Variants in ACTN4 observed in about 807,000 individuals in gnomAD.
ACTN4 encodes actinin alpha 4, also known as alpha-actinin-4.
Under a neutral mutation model 114.2 loss-of-function variants are expected in ACTN4, and 18 were observed. That is an observed-to-expected ratio of 0.16 (90% CI 0.11 to 0.23). The LOEUF (loss-of-function observed/expected upper bound fraction) is 0.23, where lower values mean the gene tolerates loss of function less well. Among genes scored for constraint, ACTN4 ranks in the 10% least tolerant of loss-of-function variants. The pLI, the probability that ACTN4 is intolerant of heterozygous loss-of-function variation, is 1.00. For missense variants in ACTN4, 722 were observed against 1,262.9 expected (o/e 0.57, Z 6.49); for synonymous variants, 515 against 506.3 (o/e 1.02, Z -0.23).
At chr19:38,698,850 T>C (rs1258889465) in intron 1 of ACTN4, among the ~76,000 whole-genome samples, 1 of 152,162 alleles carries the variant, frequency 6.6e-6, no homozygotes, top group African/African-American at 2.4e-5. Context: ...AGGCAGCTGC[T>C]TTGTCTGGGA....
Position 38,731,524 on chromosome 19 carries a change from T to C in ACTN4, c.*2092T>C. The C allele has an allele frequency of 2.2e-6, 1 of 452,716 alleles. No individual in the cohort carries two copies. Among genetic ancestry groups the C allele is most frequent in the Non-Finnish European group, 4.1e-6 (1 of 244,846 alleles). 28.0% of individuals were successfully genotyped at this position (452,716 alleles called of 1,614,324 possible). The stretch of plus-strand genomic sequence containing the variant: ...TTACTCCTTAAATCCTGTGGGGCTT[T>C]CTCCTTGCCAGTGGGCACTGGAGGA... On this transcript the variant is annotated 3_prime_UTR_variant, in exon 21 of 21. Coordinates refer to ENST00000252699, the MANE Select transcript of ACTN4 (RefSeq NM_004924.6).
chr19:38,665,536 CA>C (rs1408113055), intron 1 of ACTN4, among the ~76,000 whole-genome samples: 3 of 152,170 alleles, frequency 2.0e-5, no homozygotes, highest in Non-Finnish European at 4.4e-5. Context: ...AGTGGGAAAC[CA>C]AAACATACAC....
chr19:38,657,589 A>G (rs1036483584), intron 1 of ACTN4, among the ~76,000 whole-genome samples: 12 of 152,224 alleles, frequency 7.9e-5, no homozygotes, highest in South Asian at 2.1e-4. Context: ...AATTACAGCT[A>G]TACAGATTGA....
chr19:38,723,975 C>G lies in ACTN4; in HGVS notation c.1590C>G (p.His530Gln). The change falls in exon 14 of 21, where the codon CAC becomes CAG. Residue 530 changes from histidine (H) to glutamine (Q), a missense_variant. Physicochemically the swap from His to Gln is conservative, Grantham distance 24. Around this residue, in one of 3 missense-constraint regions of ACTN4, gnomAD observed 523 missense variants for 875.9 expected, o/e 0.60. Coordinates refer to ENST00000252699, the MANE Select transcript of ACTN4 (RefSeq NM_004924.6). The part of the protein sequence containing the change: ...EKQLEAIDQL[H>Q]LEYAKRAAPF... ...AGCTGGAGGCCATCGACCAGCTGCA[C>G]CTGGAATACGCCAAGCGCGCGGCCC... 1 of 1,613,672 alleles carries G rather than the reference C, an allele frequency of 6.2e-7. No homozygotes were observed. The highest frequency in any genetic ancestry group is 1.1e-5 in the South Asian group (1 of 91,074).
At chr19:38,678,482 A>C (rs1171709988) in intron 1 of ACTN4, among the ~76,000 whole-genome samples, 1 of 152,186 alleles carries the variant, frequency 6.6e-6, no homozygotes, top group Non-Finnish European at 1.5e-5. Context: ...CGAGACCTGC[A>C]ATACCAGGGA....
intron 1 of ACTN4, among the ~76,000 whole-genome samples, chr19:38,673,844 G>T (rs184513851): frequency 7.7e-6 from 1 of 130,024 alleles, no homozygotes; most frequent in Non-Finnish European, 1.5e-5. Flanking sequence ...GTGCAGTAGC[G>T]TGATCTCAGC....
chr19:38,664,043 C>T (rs1389025353), intron 1 of ACTN4, among the ~76,000 whole-genome samples: 2 of 152,242 alleles, frequency 1.3e-5, no homozygotes, highest in South Asian at 4.1e-4. Context: ...CAGATGACCA[C>T]GCGCAGCCGG....
chr19:38,659,668 T>G (rs993571930), intron 1 of ACTN4, among the ~76,000 whole-genome samples: 2 of 152,190 alleles, frequency 1.3e-5, no homozygotes, highest in Admixed American at 6.5e-5. Context: ...TACGGCCTGC[T>G]CTGGGGCCAC....
In ACTN4 at chr19:38,647,689, A is replaced by T; in HGVS notation, c.-57A>T. 1 of 1,503,198 alleles carries T rather than the reference A, an allele frequency of 6.7e-7. No individual in the cohort carries two copies. The highest frequency in any genetic ancestry group is 8.9e-7 in the Non-Finnish European group (1 of 1,126,646). The allele number at this position is 1,503,198 out of a possible 1,614,324, so 93.1% of individuals were successfully genotyped here. On this transcript the variant is annotated 5_prime_UTR_variant, in exon 1 of 21. Transcript: ENST00000252699. ...GCGGTAGCGGCGGCGGCTCGGGCAGAGGGGCGGGAGCTGAGGCGGGAGCGG... is the reference window on the plus strand; with the variant it reads ...GCGGTAGCGGCGGCGGCTCGGGCAGTGGGGCGGGAGCTGAGGCGGGAGCGG...
chr19:38,673,682 TTA>T lies in ACTN4; in HGVS notation c.162+25783_162+25784del, dbSNP rs1244072276. ...ATATATATTATATATATTTATATAT[TTA>T]TATATATTATATATATTTATATATT... On this transcript the variant is annotated intron_variant, in intron 1 of 20. Coordinates refer to ENST00000252699, the MANE Select transcript of ACTN4 (RefSeq NM_004924.6). Among the ~76,000 whole-genome samples the T allele has an allele frequency of 1.8e-4, 16 of 90,360 alleles. 2 individuals carry two copies. The highest frequency in any genetic ancestry group is 4.7e-4 in the African/African-American group (8 of 16,978). The allele number at this position is 90,360 out of a possible 152,430, so 59.3% of individuals were successfully genotyped here. A position where few individuals can be genotyped will look rare whatever the true frequency, so the allele number is the denominator to read the frequency against.
intron 1 of ACTN4, among the ~76,000 whole-genome samples, chr19:38,681,152 AAG>A (rs1425389273): frequency 2.7e-5 from 4 of 149,154 alleles, no homozygotes; most frequent in Admixed American, 2.0e-4. Context: ...AAAAAAAAAA[AAG>A]CAGATTCTAA....
intron 1 of ACTN4, among the ~76,000 whole-genome samples, chr19:38,679,578 T>TGTGTGTGTGTGC (rs1967489910): frequency 6.8e-6 from 1 of 148,114 alleles, no homozygotes; most frequent in Non-Finnish European, 1.5e-5. Context: ...CGTGTGTGTG[T>TGTGTGTGTGTGC]GTGTGTGTGT....
intron 1 of ACTN4, among the ~76,000 whole-genome samples, chr19:38,697,257 A>G (rs1968126163): frequency 6.6e-6 from 1 of 152,228 alleles, no homozygotes; most frequent in African/African-American, 2.4e-5. Flanking sequence ...GGGTGGGGCC[A>G]TCCGCAGAGG....
At chr19:38,692,304 CG>C (rs1436261710) in intron 1 of ACTN4, among the ~76,000 whole-genome samples, 1 of 152,272 alleles carries the variant, frequency 6.6e-6, no homozygotes, top group Non-Finnish European at 1.5e-5. Context: ...GCTGAACTGC[CG>C]CAGTGCTAGC....
chr19:38,719,363 G>A lies in ACTN4; in HGVS notation c.1291+1289G>A, dbSNP rs145181409. On this transcript the variant is annotated intron_variant, in intron 11 of 20. Coordinates refer to ENST00000252699, the MANE Select transcript of ACTN4 (RefSeq NM_004924.6). ...TTCTCACCCCTCCCCACCCTGGCCC[G>A]CATGCGAGTGTGCAGCTCCACACGG... Among the ~76,000 whole-genome samples the A allele has an allele frequency of 8.5e-5, 13 of 152,346 alleles. No homozygotes were observed. In the East Asian group the frequency reaches 1.7e-3, roughly 20 times the overall value.
intron 1 of ACTN4, among the ~76,000 whole-genome samples, chr19:38,683,272 C>T (rs781595595): frequency 1.3e-5 from 2 of 152,146 alleles, no homozygotes; most frequent in Non-Finnish European, 2.9e-5. Flanking sequence ...CAGACCTAAC[C>T]ATTTTGTTCC....
At chr19:38,680,637 A>G (rs1028878750) in intron 1 of ACTN4, among the ~76,000 whole-genome samples, 4 of 151,966 alleles carry the variant, frequency 2.6e-5, no homozygotes, top group Non-Finnish European at 5.9e-5. Context: ...TTCAAGTCCC[A>G]CTTCTTGGGC....
intron 1 of ACTN4, among the ~76,000 whole-genome samples, chr19:38,649,728 C>T (rs1976502424): frequency 1.3e-5 from 2 of 151,592 alleles, no homozygotes; most frequent in African/African-American, 2.4e-5. Context: ...CTCGAGGGCG[C>T]GAGTTGGTGG....
intron 2 of ACTN4, 36 bp from the exon 3 acceptor site, chr19:38,700,966 G>A: frequency 1.2e-6 from 2 of 1,610,032 alleles, no homozygotes; most frequent in East Asian, 2.2e-5. Flanking sequence ...CTCTCTCTCT[G>A]TCTCGCCCCC....
Sources: gnomAD v4.1 joint callset for allele counts (sites outside exome capture counted in the v4.1 genomes callset) on GRCh38, gnomAD v4.1.1 for gene constraint, gnomAD v4.1.1 regional missense constraint, MANE v1.5 for transcripts, NCBI Gene and HGNC (gene_info 2026-07-23, HGNC 2026-07-21) for gene names.